The following ZNF423 variants were observed in gnomAD, a reference collection of about 807,000 sequenced individuals.
The protein encoded by ZNF423 is zinc finger protein 423.
In ZNF423, 12 loss-of-function variants were observed where a neutral mutation model predicts 95.8. The ratio of observed to expected loss-of-function variants is 0.13; its 90% confidence interval spans 0.08 to 0.20. ZNF423 has a LOEUF of 0.20. ZNF423 is among the 10% of genes least tolerant of loss of function. The pLI is 1.00. For synonymous variants in ZNF423, 749 were observed against 711.9 expected, an observed-to-expected ratio of 1.05 and a Z score of -0.83; for missense variants, 1,316 against 1,737.1, an observed-to-expected ratio of 0.76 and a Z score of 4.31.
chr16:49,665,430 G>C (rs1236010769), intron 3 of ZNF423, among the ~76,000 whole-genome samples: 2 of 152,128 alleles, frequency 1.3e-5, no homozygotes, highest in Non-Finnish European at 2.9e-5. Flanking sequence ...GTGGGGCCTG[G>C]GGGGAGAACA....
chr16:49,728,601 G>A (rs8045324), intron 3 of ZNF423, among the ~76,000 whole-genome samples: 101,784 of 152,084 alleles, frequency 0.67, 34,643 homozygotes, highest in African/African-American at 0.79. Flanking sequence ...TTTGCCACTG[G>A]GAGGAGGATT....
chr16:49,760,997 C>T (rs2033821257), intron 2 of ZNF423, among the ~76,000 whole-genome samples: 3 of 151,788 alleles, frequency 2.0e-5, no homozygotes, highest in Admixed American at 2.0e-4. Context: ...CACACACGCA[C>T]ACATATATAC....
At chr16:49,516,139 C>T (rs1182993796) in intron 7 of ZNF423, among the ~76,000 whole-genome samples, 1 of 152,214 alleles carries the variant, frequency 6.6e-6, no homozygotes, top group African/African-American at 2.4e-5. Flanking sequence ...GGACCCGAAG[C>T]CCCGGCCCTC....
At chr16:49,807,378 T>C (rs1428834803) in intron 1 of ZNF423, among the ~76,000 whole-genome samples, 1 of 150,740 alleles carries the variant, frequency 6.6e-6, no homozygotes, top group Admixed American at 6.6e-5. Context: ...TTGCAGTGAG[T>C]GGAGATAGCC....
At chr16:49,539,933 T>C (rs990219781) in intron 5 of ZNF423, among the ~76,000 whole-genome samples, 2 of 152,144 alleles carry the variant, frequency 1.3e-5, no homozygotes, top group African/African-American at 2.4e-5. Flanking sequence ...GAGCTGTCTG[T>C]CCTGCCTCTG....
At chr16:49,626,056 C>T (rs536640126) in intron 5 of ZNF423, 114 bp downstream of exon 5, 20 of 1,008,580 alleles carry the variant, frequency 2.0e-5, no homozygotes, top group South Asian at 1.4e-4. Context: ...GTCTCAGAAA[C>T]AGCAGCAGTG....
At chr16:49,744,167 T>C (rs1336288531) in intron 2 of ZNF423, among the ~76,000 whole-genome samples, 1 of 152,158 alleles carries the variant, frequency 6.6e-6, no homozygotes, top group Non-Finnish European at 1.5e-5. Context: ...CCCAAGAGGG[T>C]GTTTGGAGCC....
chr16:49,799,185 T>A (rs1288022957), intron 1 of ZNF423, among the ~76,000 whole-genome samples: 1 of 151,906 alleles, frequency 6.6e-6, no homozygotes, highest in Non-Finnish European at 1.5e-5. Flanking sequence ...ATGGGGATAA[T>A]CAGAATACCA....
intron 5 of ZNF423, among the ~76,000 whole-genome samples, chr16:49,625,602 C>T (rs560111954): frequency 3.3e-4 from 50 of 152,316 alleles, no homozygotes; most frequent in African/African-American, 1.2e-3. Flanking sequence ...AAGGAGACCA[C>T]ATCCACCCAT....
At chr16:49,624,700 A>T (rs1364846964) in intron 5 of ZNF423, among the ~76,000 whole-genome samples, 1 of 152,248 alleles carries the variant, frequency 6.6e-6, no homozygotes, top group Non-Finnish European at 1.5e-5. Flanking sequence ...GAGAGGCATG[A>T]TCTCTAACTA....
chr16:49,498,309 C>T (rs1259084946), intron 7 of ZNF423, among the ~76,000 whole-genome samples: 1 of 152,236 alleles, frequency 6.6e-6, no homozygotes, highest in South Asian at 2.1e-4. Context: ...TGGGTCTGCA[C>T]CCATGCAGTC....
chr16:49,855,732 C>A lies in ZNF423; in HGVS notation c.40+3G>T. ...GCGCCTCCGCCGGGCCTCGCTCGCT[C>A]ACCTTTCACCGAGCGCGGCTTCGCC... is the stretch of plus-strand genomic sequence containing the variant. On this transcript the variant is annotated splice_donor_region_variant and intron_variant, in intron 1 of 7. Transcript: ENST00000563137. The surrounding 1 kb of genome is among the most constrained non-coding windows in gnomAD (Gnocchi z 4.7). The A allele has an allele frequency of 6.5e-6, 1 of 154,338 alleles. No homozygotes were observed. Among genetic ancestry groups the A allele is most frequent in the South Asian group, 1.8e-4 (1 of 5,642 alleles). 9.6% of individuals were successfully genotyped at this position (154,338 alleles called of 1,614,324 possible).
chr16:49,759,070 T>TA (rs1346381885), intron 2 of ZNF423, among the ~76,000 whole-genome samples: 1 of 152,138 alleles, frequency 6.6e-6, no homozygotes, highest in African/African-American at 2.4e-5. Flanking sequence ...CATTTTGCAA[T>TA]AAAACCATAT....
chr16:49,650,738 T>C (rs1480394492), intron 3 of ZNF423, among the ~76,000 whole-genome samples: 1 of 152,156 alleles, frequency 6.6e-6, no homozygotes, highest in Non-Finnish European at 1.5e-5. Context: ...ACCCCAGTAA[T>C]GAGGAAAAAG....
intron 1 of ZNF423, among the ~76,000 whole-genome samples, chr16:49,828,565 G>A (rs546122523): frequency 5.9e-5 from 9 of 152,154 alleles, no homozygotes; most frequent in Middle Eastern, 3.2e-3. Context: ...AAAAGACTCC[G>A]CCAGCTTAAA....
At chr16:49,520,714 A>C (rs890738519) in intron 7 of ZNF423, among the ~76,000 whole-genome samples, 1 of 152,102 alleles carries the variant, frequency 6.6e-6, no homozygotes, top group Non-Finnish European at 1.5e-5. Flanking sequence ...AGCTCATTCC[A>C]AGAAACAACA....
chr16:49,574,589 G>T (rs1482205475), intron 5 of ZNF423, among the ~76,000 whole-genome samples: 3 of 152,170 alleles, frequency 2.0e-5, no homozygotes, highest in Non-Finnish European at 1.5e-5. Flanking sequence ...ATCCCCATGT[G>T]GGGGACAGCT....
Position 49,631,143 on chromosome 16 carries a change from G to A in ZNF423, c.3516+4517C>T, listed in dbSNP as rs565128902. The stretch of plus-strand genomic sequence containing the variant: ...ATGTTCACACTCATCCAGAGACCCT[G>A]CCTTCAGCTCACTCACCACAACCCC... On this transcript the variant is annotated intron_variant, in intron 4 of 7. Transcript: ENST00000563137. Among the ~76,000 whole-genome samples, 17 of 152,202 alleles carry A rather than the reference G, an allele frequency of 1.1e-4. No homozygotes were observed. The South Asian group carries it at 3.5e-3, about 32-fold the overall frequency.
At chr16:49,837,553 A>G (rs1282694751) in intron 1 of ZNF423, among the ~76,000 whole-genome samples, 1 of 152,106 alleles carries the variant, frequency 6.6e-6, no homozygotes, top group African/African-American at 2.4e-5. Context: ...GCCACCTGCA[A>G]TGCCACCCCA....
Sources: gnomAD v4.1 joint callset for allele counts (sites outside exome capture counted in the v4.1 genomes callset) on GRCh38, gnomAD v4.1.1 for gene constraint, Gnocchi (gnomAD v3.1) non-coding constraint, MANE v1.5 for transcripts, NCBI Gene and HGNC (gene_info 2026-07-23, HGNC 2026-07-21) for gene names.